Variants in ZNF721 observed in about 807,000 individuals in gnomAD.
ZNF721 encodes zinc finger protein 721.
Under a neutral mutation model 2.4 loss-of-function variants are expected in ZNF721, and 2 were observed. That is an observed-to-expected ratio of 0.82 (90% CI 0.34 to 2.58). ZNF721 has a LOEUF of 2.58. ZNF721 is among the 30% of genes most tolerant of loss of function. The probability of loss-of-function intolerance (pLI) is 0.11; values close to 1 mark genes in which losing one functional copy is unlikely to be tolerated. For synonymous variants in ZNF721, 398 were observed against 381.8 expected (o/e 1.04, Z -0.50); for missense variants, 1,187 against 1,085.5 (o/e 1.09, Z -1.31).
chr4:446,176 TTC>T (rs1286061829), intron 2 of ZNF721, among the ~76,000 whole-genome samples: 1 of 152,056 alleles, frequency 6.6e-6, no homozygotes, highest in East Asian at 1.9e-4. Context: ...ATATGTAACT[TTC>T]TGAAAAAGAT....
intron 2 of ZNF721, among the ~76,000 whole-genome samples, chr4:466,976 T>C (rs1243069922): frequency 1.3e-5 from 2 of 151,998 alleles, no homozygotes; most frequent in African/African-American, 2.4e-5. Context: ...CCCAGCACTT[T>C]GGGAGGCCAA....
intron 2 of ZNF721, among the ~76,000 whole-genome samples, chr4:470,547 C>G (rs1330110193): frequency 1.3e-5 from 2 of 152,080 alleles, no homozygotes; most frequent in African/African-American, 2.4e-5. Context: ...AACCCCATCT[C>G]TACTAAAAAT....
intron 1 of ZNF721, among the ~76,000 whole-genome samples, chr4:497,163 C>T (rs1716174685): frequency 1.3e-5 from 2 of 151,734 alleles, no homozygotes; most frequent in East Asian, 2.0e-4. Context: ...GGCTATCTGT[C>T]GATGCAGAAG....
In ZNF721 at chr4:440,142, G is replaced by A. The variant is rs1182037510; in HGVS notation, c.*1553C>T. 6.6e-6 allele frequency: 1 copy of A among 152,006 alleles called. No individual in the cohort carries two copies. The highest frequency in any genetic ancestry group is 2.4e-5 in the African/African-American group (1 of 41,396). 9.4% of individuals were successfully genotyped at this position (152,006 alleles called of 1,614,324 possible). On this transcript the variant is annotated 3_prime_UTR_variant, in exon 3 of 3. Coordinates refer to ENST00000511833, the MANE Select transcript of ZNF721 (RefSeq NM_133474.4). ...AATTCAGATTCTCTCTCAGTATAAC[G>A]CAAAGTATTACTCTGAACACCTACT... is the stretch of plus-strand genomic sequence containing the variant.
At chr4:482,369 T>C (rs1335852242) in intron 1 of ZNF721, among the ~76,000 whole-genome samples, 1 of 152,194 alleles carries the variant, frequency 6.6e-6, no homozygotes, top group Non-Finnish European at 1.5e-5. Context: ...TTCTCCATGT[T>C]GGTCAGGCTG....
At chr4:468,614 A>G (rs1257427059) in intron 2 of ZNF721, among the ~76,000 whole-genome samples, 1 of 152,116 alleles carries the variant, frequency 6.6e-6, no homozygotes, top group Non-Finnish European at 1.5e-5. Context: ...GTGACTGTCT[A>G]AATCTCTGGT....
chr4:456,063 T>A (rs1283203113), intron 2 of ZNF721, among the ~76,000 whole-genome samples: 1 of 150,704 alleles, frequency 6.6e-6, no homozygotes, highest in African/African-American at 2.4e-5. Context: ...TATTTATTTA[T>A]TTATTTATTT....
intron 1 of ZNF721, among the ~76,000 whole-genome samples, chr4:490,510 T>C (rs1715994412): frequency 6.6e-6 from 1 of 151,996 alleles, no homozygotes; most frequent in African/African-American, 2.4e-5. Context: ...AATAAAATTA[T>C]CACAAACAAT....
chr4:493,622 T>A (rs1553871801), intron 1 of ZNF721, among the ~76,000 whole-genome samples: 1 of 148,262 alleles, frequency 6.7e-6, no homozygotes, highest in Non-Finnish European at 1.5e-5. Flanking sequence ...GAGGTTGCAG[T>A]GAGCCAAGCT....
At chr4:484,813 C>T (rs1189245858) in intron 1 of ZNF721, among the ~76,000 whole-genome samples, 2 of 152,210 alleles carry the variant, frequency 1.3e-5, no homozygotes, top group Non-Finnish European at 2.9e-5. Context: ...CTCGCCCTGC[C>T]TCCACTTGCC....
intron 2 of ZNF721, among the ~76,000 whole-genome samples, chr4:459,762 C>T (rs1199180441): frequency 1.3e-5 from 2 of 149,940 alleles, no homozygotes; most frequent in East Asian, 4.0e-4. Context: ...ACCCAGGAGG[C>T]AGAGCTTCCA....
intron 1 of ZNF721, chr4:473,901 A>C (rs1433496823): frequency 6.9e-7 from 1 of 1,459,228 alleles, no homozygotes; most frequent in Non-Finnish European, 9.2e-7. Flanking sequence ...CCGTTCGCAG[A>C]CTCAGTCCCG....
chr4:496,640 A>C (rs1716159478), intron 1 of ZNF721, among the ~76,000 whole-genome samples: 1 of 151,846 alleles, frequency 6.6e-6, no homozygotes, highest in African/African-American at 2.4e-5. Context: ...AAAAACCCCA[A>C]CAAGACAGAA....
At chr4:450,077 C>T (rs761278120) in intron 2 of ZNF721, among the ~76,000 whole-genome samples, 108 of 152,100 alleles carry the variant, frequency 7.1e-4, no homozygotes, top group Non-Finnish European at 1.4e-3. Flanking sequence ...TGGACGACCA[C>T]ACACACACAG....
intron 2 of ZNF721, among the ~76,000 whole-genome samples, chr4:456,765 G>A (rs906987137): frequency 9.2e-5 from 14 of 152,162 alleles, no homozygotes; most frequent in African/African-American, 3.4e-4. Flanking sequence ...TGTAGTACCA[G>A]CTACTTGGGA....
chr4:450,795 G>C (rs1379706773), intron 2 of ZNF721, among the ~76,000 whole-genome samples: 1 of 151,324 alleles, frequency 6.6e-6, no homozygotes, highest in African/African-American at 2.4e-5. Flanking sequence ...AAATTAGATG[G>C]GCATGGTGGC....
intron 2 of ZNF721, among the ~76,000 whole-genome samples, chr4:459,805 T>C (rs1297086710): frequency 2.8e-5 from 4 of 143,584 alleles, no homozygotes; most frequent in African/African-American, 1.1e-4. Flanking sequence ...CACTCCAGCC[T>C]GGGCAAGAGA....
chr4:472,974 A>T (rs1715486335), intron 1 of ZNF721, among the ~76,000 whole-genome samples: 2 of 152,004 alleles, frequency 1.3e-5, no homozygotes, highest in Admixed American at 6.6e-5. Context: ...AACAGGTTGA[A>T]CTCACCTCTC....
At chr4:482,731 G>A (rs1715801196) in intron 1 of ZNF721, among the ~76,000 whole-genome samples, 4 of 151,624 alleles carry the variant, frequency 2.6e-5, no homozygotes, top group South Asian at 2.1e-4. Flanking sequence ...TCTTGACCTC[G>A]GGATCTACCC....
Sources: allele counts gnomAD v4.1 joint callset (sites outside exome capture counted in the v4.1 genomes callset), GRCh38; gene constraint gnomAD v4.1.1; transcripts MANE v1.5; gene names NCBI Gene and HGNC (gene_info 2026-07-23, HGNC 2026-07-21).